Variants in LY86 observed in about 807,000 individuals in gnomAD.
The protein encoded by LY86 is MD-1, RP105-associated.
Under a neutral mutation model 17.3 loss-of-function variants are expected in LY86, and 20 were observed. The ratio of observed to expected loss-of-function variants is 1.15; its 90% CI spans 0.81 to 1.68. The LOEUF is 1.68. Among genes scored for constraint, LY86 ranks in the 40% most tolerant of loss-of-function variants. LY86 has a pLI of 0.00. For synonymous variants in LY86, 74 were observed against 70.6 expected (o/e 1.05, Z -0.24); for missense variants, 200 against 191.9 (o/e 1.04, Z -0.25).
intron 1 of LY86, among the ~76,000 whole-genome samples, chr6:6,604,855 A>G (rs889711443): frequency 6.6e-6 from 1 of 152,168 alleles, no homozygotes; most frequent in African/African-American, 2.4e-5. Context: ...AAAAATGGTA[A>G]AAGTTGCAAG....
Position 6,611,779 on chromosome 6 carries a change from A to G in LY86, c.137-13147A>G, listed in dbSNP as rs370551107. On this transcript the variant is annotated intron_variant, in intron 1 of 4. Transcript: ENST00000230568. ...TCCCACATCTAGCACAGTGCCTATCAAACAGTACGGGCTCAAAAAGCTTTA... is the reference window on the plus strand; with the variant it reads ...TCCCACATCTAGCACAGTGCCTATCGAACAGTACGGGCTCAAAAAGCTTTA... Among the ~76,000 whole-genome samples the G allele has an allele frequency of 4.8e-5, 7 of 147,236 alleles. No homozygotes were observed. The East Asian group carries it at 1.4e-3, about 30-fold the overall frequency.
intron 3 of LY86, among the ~76,000 whole-genome samples, chr6:6,643,206 T>C (rs1561792423): frequency 6.6e-6 from 1 of 152,182 alleles, no homozygotes. Context: ...TCTGTACTAA[T>C]TTACATTCCC....
chr6:6,596,482 CT>C (rs1554122975), intron 1 of LY86, among the ~76,000 whole-genome samples: 1 of 152,168 alleles, frequency 6.6e-6, no homozygotes, highest in Non-Finnish European at 1.5e-5. Context: ...CAATTTCTCT[CT>C]TCATTTATTT....
intron 1 of LY86, among the ~76,000 whole-genome samples, chr6:6,590,738 A>C (rs1760497988): frequency 6.6e-6 from 1 of 152,106 alleles, no homozygotes; most frequent in African/African-American, 2.4e-5. Context: ...TGGAAAAGAG[A>C]AGTTGATTAA....
At chr6:6,651,443 A>C (rs2113167802) in intron 4 of LY86, among the ~76,000 whole-genome samples, 1 of 152,298 alleles carries the variant, frequency 6.6e-6, no homozygotes, top group East Asian at 1.9e-4. Flanking sequence ...TCCCTCTGGA[A>C]ATCTCTAGTT....
chr6:6,618,322 T>C (rs1485536016), intron 1 of LY86, among the ~76,000 whole-genome samples: 1 of 152,196 alleles, frequency 6.6e-6, no homozygotes, highest in Non-Finnish European at 1.5e-5. Context: ...CCTATGCTGA[T>C]AGAAGCCAAA....
chr6:6,595,447 GA>G (rs1323143857), intron 1 of LY86, among the ~76,000 whole-genome samples: 6 of 151,346 alleles, frequency 4.0e-5, no homozygotes, highest in African/African-American at 1.5e-4. Flanking sequence ...GGGGGGAGTG[GA>G]AAAAGAAGAG....
At chr6:6,632,086 T>G (rs779669087) in intron 3 of LY86, among the ~76,000 whole-genome samples, 1 of 152,186 alleles carries the variant, frequency 6.6e-6, no homozygotes, top group Non-Finnish European at 1.5e-5. Context: ...AGGTGGACAC[T>G]TGACCTGAGC....
At chr6:6,609,227 C>T (rs113625686) in intron 1 of LY86, among the ~76,000 whole-genome samples, 2,638 of 152,324 alleles carry the variant, frequency 0.017, 83 homozygotes, top group African/African-American at 0.059. Context: ...CTCCCTCCTT[C>T]CTGTCCAGGA....
At position 6,623,447 on chromosome 6, in the gene LY86, A is replaced by C. The variant is rs62391994; in HGVS notation, c.137-1479A>C. On this transcript the variant is annotated intron_variant, in intron 1 of 4. Coordinates refer to ENST00000230568, the MANE Select transcript of LY86 (RefSeq NM_004271.4). ...ATGGGCCATCACCAGTGACACTCCC[A>C]GCAAGTACTCACGAAGGAGCAAGTC... Among the ~76,000 whole-genome samples the C allele has an allele frequency of 7.4e-3, 1,134 of 152,370 alleles. 8 individuals are homozygous for C. The highest frequency in any genetic ancestry group is 0.012 in the Non-Finnish European group (801 of 68,044).
At chr6:6,611,643 T>C (rs1399047126) in intron 1 of LY86, among the ~76,000 whole-genome samples, 2 of 152,238 alleles carry the variant, frequency 1.3e-5, no homozygotes, top group South Asian at 2.1e-4. Flanking sequence ...CCCACACTGG[T>C]GCCTCCCTGT....
chr6:6,605,483 T>C (rs1344978330), intron 1 of LY86, among the ~76,000 whole-genome samples: 17 of 152,244 alleles, frequency 1.1e-4, no homozygotes, highest in Non-Finnish European at 2.9e-5. Flanking sequence ...CTTCAATAGC[T>C]ATTAGCCAGA....
intron 1 of LY86, among the ~76,000 whole-genome samples, chr6:6,590,594 G>A (rs1177618535): frequency 1.3e-5 from 2 of 152,174 alleles, no homozygotes; most frequent in African/African-American, 4.8e-5. Context: ...GCTCCCAAGT[G>A]GGGAGCAACT....
chr6:6,598,122 A>T (rs966969495), intron 1 of LY86, among the ~76,000 whole-genome samples: 1 of 152,240 alleles, frequency 6.6e-6, no homozygotes, highest in African/African-American at 2.4e-5. Context: ...CACTACTTAC[A>T]CAACTAGTAA....
intron 1 of LY86, among the ~76,000 whole-genome samples, chr6:6,596,278 A>C (rs1204313175): frequency 6.6e-6 from 1 of 152,234 alleles, no homozygotes; most frequent in Non-Finnish European, 1.5e-5. Context: ...TATTGATAAA[A>C]TGCTCATAGA....
chr6:6,617,784 C>T (rs530590935), intron 1 of LY86, among the ~76,000 whole-genome samples: 19 of 152,260 alleles, frequency 1.2e-4, no homozygotes, highest in African/African-American at 4.3e-4. Context: ...CTTGGTAACA[C>T]ACAATAAAAT....
intron 1 of LY86, among the ~76,000 whole-genome samples, chr6:6,607,492 T>C (rs1031888116): frequency 1.3e-5 from 2 of 149,828 alleles, no homozygotes; most frequent in African/African-American, 4.9e-5. Flanking sequence ...AACAAAACAA[T>C]AAAAACAAAA....
chr6:6,603,656 G>C (rs1022519), intron 1 of LY86, among the ~76,000 whole-genome samples: 91,939 of 129,332 alleles, frequency 0.71, 32,672 homozygotes, highest in Non-Finnish European at 0.81. Flanking sequence ...CACACACACA[G>C]AGTGGAAAAC....
At chr6:6,590,729 G>A (rs1328073843) in intron 1 of LY86, among the ~76,000 whole-genome samples, 1 of 152,184 alleles carries the variant, frequency 6.6e-6, no homozygotes, top group African/African-American at 2.4e-5. Context: ...TACAGGAGAT[G>A]GAAAAGAGAA....
Sources: allele counts gnomAD v4.1 joint callset (sites outside exome capture counted in the v4.1 genomes callset), GRCh38; gene constraint gnomAD v4.1.1; transcripts MANE v1.5; gene names NCBI Gene and HGNC (gene_info 2026-07-23, HGNC 2026-07-21).